JAK1: variants seen among roughly 807,000 people sequenced by gnomAD.
The protein encoded by JAK1 is tyrosine-protein kinase JAK1.
Under a neutral mutation model 136.6 loss-of-function variants are expected in JAK1, and 16 were observed. That is an observed-to-expected ratio of 0.12 (90% CI 0.08 to 0.18). The LOEUF is 0.18. Ranked by LOEUF, JAK1 falls within the 10% of genes least tolerant of loss-of-function variation. The pLI is 1.00. For synonymous variants in JAK1, 492 were observed against 519.5 expected (o/e 0.95, Z 0.72); for missense variants, 859 against 1,450.1 (o/e 0.59, Z 6.62).
At chr1:64,937,565 ACTT>A (rs1363735376) in intron 1 of JAK1, among the ~76,000 whole-genome samples, 8 of 152,204 alleles carry the variant, frequency 5.3e-5, no homozygotes, top group Non-Finnish European at 1.0e-4. Context: ...CTCTGTTACA[ACTT>A]CTTGTCAATC....
At chr1:64,964,829 G>T (rs1169605618) in intron 1 of JAK1, among the ~76,000 whole-genome samples, 1 of 152,086 alleles carries the variant, frequency 6.6e-6, no homozygotes, top group Non-Finnish European at 1.5e-5. Flanking sequence ...ATCTATACAG[G>T]GGAGACATTT....
chr1:65,056,038 T>A (rs184646575), intron 1 of JAK1, among the ~76,000 whole-genome samples: 1 of 152,212 alleles, frequency 6.6e-6, no homozygotes, highest in Non-Finnish European at 1.5e-5. Flanking sequence ...CTTGAAGCAC[T>A]TTTTTCCACC....
intron 1 of JAK1, among the ~76,000 whole-genome samples, chr1:64,921,210 T>C (rs557408150): frequency 6.6e-6 from 1 of 152,240 alleles, no homozygotes; most frequent in South Asian, 2.1e-4. Context: ...GCCAAACCCC[T>C]TTAATAAGTG....
chr1:64,997,171 C>T (rs1646711509), intron 2 of JAK1, among the ~76,000 whole-genome samples: 1 of 152,146 alleles, frequency 6.6e-6, no homozygotes, highest in African/African-American at 2.4e-5. Context: ...TCAATCTATG[C>T]CTCAAGTAAT....
chr1:64,838,194 T>C, intron 21 of JAK1, 90 bp from the exon 22 acceptor site: 1 of 1,315,510 alleles, frequency 7.6e-7, no homozygotes, highest in South Asian at 1.5e-5. Context: ...AGAAATGTCA[T>C]TTCATTCACA....
In JAK1 at chr1:64,839,806, A is replaced by G. The variant is rs2100964480; in HGVS notation, c.2650-11T>C. ...CTTCCCAAAGTGGCCCTGGAGGGAA[A>G]GATGCATGTGCTGTTATCAGGGAAG... On this transcript the variant is annotated splice_polypyrimidine_tract_variant and intron_variant, in intron 19 of 24. Coordinates refer to ENST00000342505, the MANE Select transcript of JAK1 (RefSeq NM_002227.4). 6.3e-7 allele frequency: 1 copy of G among 1,599,548 alleles called. No homozygotes were observed. Among genetic ancestry groups the G allele is most frequent in the Non-Finnish European group, 8.5e-7 (1 of 1,172,300 alleles).
At position 65,051,184 on chromosome 1, in the gene JAK1, G is replaced by GTT. The variant is rs34684205; in HGVS notation, c.-180-6604_-180-6603dup. Among the ~76,000 whole-genome samples the GTT allele has an allele frequency of 7.2e-3, 1,070 of 148,008 alleles. 17 individuals are homozygous for GTT. Among genetic ancestry groups the GTT allele is most frequent in the African/African-American group, 0.026 (1,038 of 40,360 alleles). On this transcript the variant is annotated intron_variant, in intron 1 of 25. Coordinates refer to the JAK1 transcript ENST00000671954. ...GCTTGAGACCTGATAGGTATGTCAG[G>GTT]TTTTTTTTTTTTTAACAGAAATTAG...
chr1:64,948,455 T>C (rs974254223), intron 1 of JAK1, among the ~76,000 whole-genome samples: 2 of 152,260 alleles, frequency 1.3e-5, no homozygotes, highest in Admixed American at 6.5e-5. Context: ...AAATGTGAAC[T>C]GTGTTCCCCA....
chr1:65,044,209 T>C lies in JAK1; in HGVS notation c.-78+271A>G, dbSNP rs564639439. 3.6e-4 allele frequency among the ~76,000 whole-genome samples: 55 copies of C among 152,156 alleles called. 1 individual carries two copies. Among genetic ancestry groups the C allele is most frequent in the Non-Finnish European group, 6.9e-4 (47 of 68,036 alleles). On this transcript the variant is annotated intron_variant, in intron 2 of 25. Transcript: ENST00000671954. ...ATAATTTTAGAAAGCAAGGATAGAC[T>C]AGTGGTTGGCAAAGGTTAGAGATAT...
At chr1:64,867,728 C>G (rs369203935) in intron 6 of JAK1, among the ~76,000 whole-genome samples, 1 of 152,188 alleles carries the variant, frequency 6.6e-6, no homozygotes, top group African/African-American at 2.4e-5. Flanking sequence ...CGGTGGCTCA[C>G]GCCTGTAATC....
At chr1:64,964,014 C>T (rs1297815058) in intron 1 of JAK1, among the ~76,000 whole-genome samples, 1 of 152,172 alleles carries the variant, frequency 6.6e-6, no homozygotes, top group Non-Finnish European at 1.5e-5. Context: ...CATACCCTTA[C>T]TAGTCTAAAA....
At chr1:64,915,891 A>T (rs549904774) in intron 1 of JAK1, among the ~76,000 whole-genome samples, 2 of 152,274 alleles carry the variant, frequency 1.3e-5, no homozygotes, top group Admixed American at 6.5e-5. Context: ...GGGGGCCAGG[A>T]TGCTACAGCC....
chr1:64,928,797 C>CAAAAAAAAA (rs397953329), intron 1 of JAK1, among the ~76,000 whole-genome samples: 1 of 80,812 alleles, frequency 1.2e-5, no homozygotes, highest in African/African-American at 4.2e-5. Flanking sequence ...AAAAAAAAAA[C>CAAAAAAAAA]AAAAAAAAAA....
At chr1:65,051,700 G>C (rs1220897543) in intron 1 of JAK1, among the ~76,000 whole-genome samples, 1 of 152,166 alleles carries the variant, frequency 6.6e-6, no homozygotes, top group African/African-American at 2.4e-5. Context: ...TAGCAAAAAA[G>C]TGAAAATACA....
At chr1:64,973,958 A>G (rs1042033061) in intron 2 of JAK1, 2 of 152,230 alleles carry the variant, frequency 1.3e-5, no homozygotes, top group Non-Finnish European at 2.9e-5. Flanking sequence ...AATTCAATAG[A>G]TATTTGCTAA....
At chr1:64,850,783 C>T in intron 12 of JAK1, 21 bp downstream of exon 12, 1 of 1,558,700 alleles carries the variant, frequency 6.4e-7, no homozygotes, top group Non-Finnish European at 8.9e-7. Flanking sequence ...AGCTGGCCCA[C>T]ACCCTGCAGC....
intron 7 of JAK1, 116 bp from the exon 8 acceptor site, chr1:64,865,088 G>GGCTTT: frequency 5.2e-6 from 4 of 766,124 alleles, no homozygotes; most frequent in Non-Finnish European, 8.3e-6. Flanking sequence ...GAGAAAGCCA[G>GGCTTT]CTCTTCTGGA....
intron 4 of JAK1, among the ~76,000 whole-genome samples, chr1:64,878,561 G>GTGTATA (rs1298801037): frequency 2.8e-3 from 333 of 119,436 alleles, no homozygotes; most frequent in Middle Eastern, 5.4e-3. Context: ...TATATAGTGT[G>GTGTATA]TATATATATA....
intron 2 of JAK1, among the ~76,000 whole-genome samples, chr1:65,041,645 T>C (rs1409530673): frequency 6.6e-6 from 1 of 152,172 alleles, no homozygotes; most frequent in Non-Finnish European, 1.5e-5. Flanking sequence ...TCCAGCTCTG[T>C]ACTGAACTCT....
Sources: gnomAD v4.1 joint callset for allele counts (sites outside exome capture counted in the v4.1 genomes callset) on GRCh38, gnomAD v4.1.1 for gene constraint, MANE v1.5 for transcripts, NCBI Gene and HGNC (gene_info 2026-07-23, HGNC 2026-07-21) for gene names.